The following RPH3A variants were observed in gnomAD, a reference collection of about 807,000 sequenced individuals.
RPH3A encodes the protein rabphilin 3A.
In RPH3A, 48 loss-of-function variants were observed where a neutral mutation model predicts 102.2. The ratio of observed to expected loss-of-function variants is 0.47; its 90% CI spans 0.37 to 0.60. The LOEUF (loss-of-function observed/expected upper bound fraction) is 0.60. Ranked by LOEUF, RPH3A falls within the 20% of genes least tolerant of loss-of-function variation. RPH3A has a pLI of 0.00. For synonymous variants in RPH3A, 310 were observed against 324.3 expected (o/e 0.96, Z 0.47); for missense variants, 781 against 910.1 (o/e 0.86, Z 1.83).
At position 112,629,275 on chromosome 12, in the gene RPH3A, T is replaced by A. The variant is rs554087506; in HGVS notation, c.-140+53956T>A. ...CCCTGTGATGAGATAGTTACTTTTT[T>A]CTTTCCTCCAAGAAATTAACCTGCT... On this transcript the variant is annotated intron_variant, in intron 1 of 21. Coordinates refer to the RPH3A transcript ENST00000543106. 9.2e-5 allele frequency among the ~76,000 whole-genome samples: 14 copies of A among 152,242 alleles called. No homozygotes were observed. In the South Asian group the frequency reaches 2.9e-3, roughly 32 times the overall value.
At chr12:112,763,696 A>G (rs59502763) in intron 1 of RPH3A, among the ~76,000 whole-genome samples, 15,651 of 152,184 alleles carry the variant, frequency 0.1, 818 homozygotes, top group Middle Eastern at 0.13. Flanking sequence ...TGTTAGTCTT[A>G]ATGTCTGTGT....
At chr12:112,603,804 C>T (rs750298605) in intron 1 of RPH3A, among the ~76,000 whole-genome samples, 6 of 152,116 alleles carry the variant, frequency 3.9e-5, no homozygotes, top group Non-Finnish European at 5.9e-5. Flanking sequence ...CATTTTTCTT[C>T]GCCCTCACTC....
At chr12:112,643,772 G>T (rs1193211549) in intron 1 of RPH3A, among the ~76,000 whole-genome samples, 1 of 152,160 alleles carries the variant, frequency 6.6e-6, no homozygotes, top group Non-Finnish European at 1.5e-5. Flanking sequence ...ATAATGTTTT[G>T]CAAAAATAGA....
At chr12:112,875,846 G>C in intron 12 of RPH3A, 105 bp downstream of exon 12, 2 of 933,884 alleles carry the variant, frequency 2.1e-6, no homozygotes, top group Non-Finnish European at 3.4e-6. Context: ...TGCACCCTGA[G>C]ACCTGTCTGA....
At chr12:112,772,922 A>T (rs970448083) in intron 1 of RPH3A, among the ~76,000 whole-genome samples, 1 of 151,968 alleles carries the variant, frequency 6.6e-6, no homozygotes, top group African/African-American at 2.4e-5. Flanking sequence ...AGTCCATTGT[A>T]TCATTCTTAT....
intron 1 of RPH3A, among the ~76,000 whole-genome samples, chr12:112,641,341 T>C (rs1374277005): frequency 6.6e-6 from 1 of 152,212 alleles, no homozygotes. Context: ...TCAGAGACAG[T>C]GTTAAATGTG....
In RPH3A at chr12:112,875,115, C is replaced by G. The variant is rs1458416165; in HGVS notation, c.828C>G (p.Ser276=). 1 of 1,610,280 alleles carries G rather than the reference C, an allele frequency of 6.2e-7. No homozygotes were observed. Among genetic ancestry groups the G allele is most frequent in the East Asian group, 2.2e-5 (1 of 44,772 alleles). The change falls in exon 11 of 22, where the codon TCC becomes TCG. Residue 276 remains serine, a synonymous_variant. Coordinates refer to ENST00000389385, the MANE Select transcript of RPH3A (RefSeq NM_001143854.2). ...GACGGGCCAACTCAGTCCAGGCCTC[C>G]AGACCTGCCCCAGGCTCGGTGCAGA... is the stretch of plus-strand genomic sequence containing the variant. ...GLRRANSVQA[S]RPAPGSVQSP...
chr12:112,875,491 A>G (rs2136235606), intron 11 of RPH3A, among the ~76,000 whole-genome samples, 188 bp from the exon 12 acceptor site: 1 of 152,242 alleles, frequency 6.6e-6, no homozygotes, highest in East Asian at 1.9e-4. Context: ...TTCCCACAGC[A>G]CTAGGGCTTG....
intron 2 of RPH3A, among the ~76,000 whole-genome samples, chr12:112,825,530 T>TC (rs1174471089): frequency 2.0e-5 from 3 of 150,946 alleles, no homozygotes; most frequent in South Asian, 2.1e-4. Flanking sequence ...ACGTGGTCTC[T>TC]CCCCCCCTTA....
chr12:112,702,182 C>T (rs1592952084), intron 1 of RPH3A, among the ~76,000 whole-genome samples: 1 of 152,328 alleles, frequency 6.6e-6, no homozygotes, highest in East Asian at 1.9e-4. Context: ...ACTTTATAGA[C>T]ATAAACTACA....
intron 1 of RPH3A, among the ~76,000 whole-genome samples, chr12:112,587,531 G>A (rs2039447410): frequency 6.6e-6 from 1 of 152,044 alleles, no homozygotes; most frequent in Non-Finnish European, 1.5e-5. Flanking sequence ...TACCTGATAG[G>A]GTTTTGTGCT....
At chr12:112,629,387 A>C (rs1300172757) in intron 1 of RPH3A, among the ~76,000 whole-genome samples, 2 of 90,782 alleles carry the variant, frequency 2.2e-5, no homozygotes, top group Non-Finnish European at 4.2e-5. Flanking sequence ...TTAGCTGCTG[A>C]TGTTTGCTTT....
chr12:112,647,798 T>C (rs2039942319), intron 1 of RPH3A, among the ~76,000 whole-genome samples: 1 of 152,122 alleles, frequency 6.6e-6, no homozygotes, highest in Admixed American at 6.5e-5. Context: ...GTTTGAGGAA[T>C]AGCAAGGAGG....
chr12:112,864,284 C>T (rs1268523179), intron 5 of RPH3A, among the ~76,000 whole-genome samples: 1 of 152,040 alleles, frequency 6.6e-6, no homozygotes, highest in Non-Finnish European at 1.5e-5. Context: ...AACCCAGTCT[C>T]TACTAAAAAT....
At chr12:112,825,132 C>T (rs968095105) in intron 2 of RPH3A, among the ~76,000 whole-genome samples, 1 of 151,760 alleles carries the variant, frequency 6.6e-6, no homozygotes, top group Non-Finnish European at 1.5e-5. Context: ...TCAGCTCTCA[C>T]CACAGGCAAT....
At chr12:112,845,120 A>G (rs573539445) in intron 4 of RPH3A, among the ~76,000 whole-genome samples, 5 of 152,304 alleles carry the variant, frequency 3.3e-5, no homozygotes, top group Non-Finnish European at 7.4e-5. Context: ...GTCACACCGG[A>G]TCAGCCTTGA....
chr12:112,892,343 G>T (rs769004270), intron 19 of RPH3A, among the ~76,000 whole-genome samples: 2 of 152,206 alleles, frequency 1.3e-5, no homozygotes, highest in African/African-American at 2.4e-5. Context: ...GAGATAAGGA[G>T]GAATCCAGAG....
chr12:112,656,784 G>GGT (rs971145995), intron 1 of RPH3A, among the ~76,000 whole-genome samples: 24 of 150,854 alleles, frequency 1.6e-4, no homozygotes, highest in African/African-American at 4.9e-4. Flanking sequence ...AGTATTCCAC[G>GGT]GTGTGTGTGT....
intron 1 of RPH3A, among the ~76,000 whole-genome samples, chr12:112,708,263 C>T (rs1472287711): frequency 6.6e-6 from 1 of 152,162 alleles, no homozygotes; most frequent in African/African-American, 2.4e-5. Context: ...TAAAGTCTGG[C>T]ATGTAATTCT....
Sources: gnomAD v4.1 joint callset for allele counts (sites outside exome capture counted in the v4.1 genomes callset) on GRCh38, gnomAD v4.1.1 for gene constraint, MANE v1.5 for transcripts, NCBI Gene and HGNC (gene_info 2026-07-23, HGNC 2026-07-21) for gene names.